Variants in BCR observed in about 807,000 individuals in gnomAD.
BCR encodes the protein BCR activator of RhoGEF and GTPase.
In BCR, 58 loss-of-function variants were observed where a neutral mutation model predicts 138.6. That is an observed-to-expected ratio of 0.42 (90% confidence interval 0.34 to 0.52). The LOEUF (loss-of-function observed/expected upper bound fraction) is 0.52, where lower values mean the gene tolerates loss of function less well. Ranked by LOEUF, BCR falls within the 20% of genes least tolerant of loss-of-function variation. The probability of loss-of-function intolerance (pLI) is 0.06; values close to 1 mark genes in which losing one functional copy is unlikely to be tolerated. For missense variants in BCR, 1,599 were observed against 1,727.2 expected (o/e 0.93, Z 1.32); for synonymous variants, 786 against 730.1 (o/e 1.08, Z -1.23).
intron 8 of BCR, among the ~76,000 whole-genome samples, chr22:23,280,866 C>T (rs763261879): frequency 2.0e-5 from 3 of 152,256 alleles, no homozygotes; most frequent in Non-Finnish European, 4.4e-5. Flanking sequence ...TGCCCTGCCC[C>T]GCTCTGAAGC....
chr22:23,308,776 C>T (rs1220950111), intron 16 of BCR, among the ~76,000 whole-genome samples: 2 of 152,162 alleles, frequency 1.3e-5, no homozygotes, highest in Non-Finnish European at 2.9e-5. Context: ...CATACCAGGA[C>T]AGACTGTGTT....
chr22:23,291,182 TG>T (rs2073782700), intron 14 of BCR: 1 of 141,052 alleles, frequency 7.1e-6, no homozygotes, highest in African/African-American at 2.7e-5. Context: ...CATTCCAGCC[TG>T]GGCGACAGAG....
chr22:23,238,913 TG>T (rs2073056705), intron 1 of BCR, among the ~76,000 whole-genome samples: 1 of 36,590 alleles, frequency 2.7e-5, no homozygotes, highest in African/African-American at 8.4e-5. Context: ...AGTCTCAAAC[TG>T]TCCTCTGTCG....
chr22:23,259,761 T>C (rs888264729), intron 2 of BCR, among the ~76,000 whole-genome samples: 7 of 152,262 alleles, frequency 4.6e-5, no homozygotes, highest in Non-Finnish European at 8.8e-5. Context: ...CCTCAGGTGA[T>C]CTGCCCGCCT....
At chr22:23,265,015 C>T (rs976691243) in intron 4 of BCR, 7 of 152,142 alleles carry the variant, frequency 4.6e-5, no homozygotes, top group African/African-American at 7.2e-5. Flanking sequence ...ACCTAGTGGA[C>T]GTGACTTGGC....
chr22:23,301,044 C>G (rs1016562735), intron 16 of BCR, among the ~76,000 whole-genome samples: 2 of 152,250 alleles, frequency 1.3e-5, no homozygotes, highest in Admixed American at 6.5e-5. Flanking sequence ...AGAGATGCAC[C>G]TGTCATCCTA....
chr22:23,253,377 C>T (rs1357569455), intron 1 of BCR, among the ~76,000 whole-genome samples: 2 of 152,142 alleles, frequency 1.3e-5, no homozygotes, highest in Non-Finnish European at 2.9e-5. Context: ...GTGGTTGGTT[C>T]TCCCGGCAAC....
At chr22:23,209,058 A>G (rs749047746) in intron 1 of BCR, among the ~76,000 whole-genome samples, 5 of 152,048 alleles carry the variant, frequency 3.3e-5, no homozygotes, top group Non-Finnish European at 7.4e-5. Context: ...TGTAGCATGC[A>G]TTAGAATCTC....
intron 16 of BCR, among the ~76,000 whole-genome samples, chr22:23,307,274 AT>A (rs144686155): frequency 4.7e-5 from 7 of 150,410 alleles, no homozygotes; most frequent in East Asian, 2.0e-4. Context: ...GCTTTTGAAA[AT>A]TTTTTTTTTA....
In BCR at chr22:23,287,297, G is replaced by A. The variant is rs1043150628; in HGVS notation, c.2526+19G>A. 5.3e-6 allele frequency: 8 copies of A among 1,520,724 alleles called. No homozygotes were observed. The highest frequency in any genetic ancestry group is 4.1e-5 in the Admixed American group (2 of 48,584). The allele number at this position is 1,520,724 out of a possible 1,614,324, so 94.2% of individuals were successfully genotyped here. On this transcript the variant is annotated intron_variant, in intron 11 of 22. Transcript: ENST00000305877. The stretch of plus-strand genomic sequence containing the variant: ...CGGCAAGGTGAGCGCCTGCTGTTCC[G>A]GCCCCTCCTGCTCTCCTGGCCTGGG...
intron 16 of BCR, among the ~76,000 whole-genome samples, chr22:23,305,240 C>A (rs1292359825): frequency 1.4e-5 from 2 of 142,024 alleles, no homozygotes; most frequent in East Asian, 6.1e-4. Context: ...CAGCAAAGAC[C>A]CACCCCCGGG....
chr22:23,215,059 A>G (rs1363598953), intron 1 of BCR, among the ~76,000 whole-genome samples: 1 of 152,170 alleles, frequency 6.6e-6, no homozygotes, highest in Non-Finnish European at 1.5e-5. Flanking sequence ...TACTCTAGAG[A>G]CCTCATATGA....
rs55750699 is a variant in BCR at position 23,288,126 on chromosome 22, T to C, written c.2556T>C (p.Tyr852=). ...ACACGTTCCTGATCTCCTCTGACTATGAGCGTGCAGAGTGGAGGGAGAACA... is the reference window on the plus strand; with the variant it reads ...ACACGTTCCTGATCTCCTCTGACTACGAGCGTGCAGAGTGGAGGGAGAACA... ...KSYTFLISSD[Y]ERAEWRENIR... The change falls in exon 12 of 23, where the codon TAT becomes TAC. Residue 852 remains tyrosine, a synonymous_variant. Coordinates refer to ENST00000305877, the MANE Select transcript of BCR (RefSeq NM_004327.4). 792 of 1,614,082 alleles carry C rather than the reference T, an allele frequency of 4.9e-4. 4 individuals are homozygous for C. The East Asian group carries it at 0.014, about 29-fold the overall frequency.
At chr22:23,285,859 A>C (rs2073705294) in intron 10 of BCR, among the ~76,000 whole-genome samples, 3 of 152,218 alleles carry the variant, frequency 2.0e-5, no homozygotes, top group Admixed American at 2.0e-4. Flanking sequence ...ACAGGGTGTG[A>C]TCACTTTAAG....
At chr22:23,268,215 G>T (rs1258292207) in intron 4 of BCR, among the ~76,000 whole-genome samples, 193 bp from the exon 5 acceptor site, 1 of 152,190 alleles carries the variant, frequency 6.6e-6, no homozygotes, top group Non-Finnish European at 1.5e-5. Flanking sequence ...CATTTTGGGA[G>T]CGGGAAGTGT....
At chr22:23,208,831 G>T (rs908460503) in intron 1 of BCR, among the ~76,000 whole-genome samples, 1 of 152,064 alleles carries the variant, frequency 6.6e-6, no homozygotes, top group African/African-American at 2.4e-5. Context: ...CTCCAGCCTG[G>T]GCAACAGAGC....
chr22:23,183,198 C>G (rs2072293483), intron 1 of BCR, among the ~76,000 whole-genome samples: 1 of 152,148 alleles, frequency 6.6e-6, no homozygotes, highest in Non-Finnish European at 1.5e-5. Flanking sequence ...GTTTTGAGAT[C>G]CAGACACAGT....
chr22:23,275,105 A>T (rs893306681), intron 8 of BCR, among the ~76,000 whole-genome samples: 1 of 152,054 alleles, frequency 6.6e-6, no homozygotes, highest in African/African-American at 2.4e-5. Context: ...CATCTGCCAC[A>T]CACCACTTTG....
chr22:23,289,646 A>T, intron 13 of BCR, 25 bp downstream of exon 13: 1 of 1,590,686 alleles, frequency 6.3e-7, no homozygotes, highest in Non-Finnish European at 8.6e-7. Context: ...TTCCGTGTAC[A>T]GGGCACCTGC....
Sources: gnomAD v4.1 joint callset for allele counts (sites outside exome capture counted in the v4.1 genomes callset) on GRCh38, gnomAD v4.1.1 for gene constraint, MANE v1.5 for transcripts, NCBI Gene and HGNC (gene_info 2026-07-23, HGNC 2026-07-21) for gene names.